ACACB: variants seen among roughly 807,000 people sequenced by gnomAD.
ACACB encodes the protein acetyl-CoA carboxylase 2.
Under a neutral mutation model 278.8 loss-of-function variants are expected in ACACB, and 209 were observed. The observed-to-expected ratio is 0.75, with a 90% CI of 0.67 to 0.84. The LOEUF is 0.84. Among genes scored for constraint, ACACB ranks in the 40% least tolerant of loss-of-function variants. ACACB has a pLI of 0.00. For missense variants in ACACB, 2,850 were observed against 3,269.0 expected (o/e 0.87, Z 3.13); for synonymous variants, 1,174 against 1,285.6 (o/e 0.91, Z 1.86).
intron 40 of ACACB, 123 bp from the exon 41 acceptor site, chr12:109,249,861 T>C (rs2047047192): frequency 1.5e-6 from 2 of 1,336,934 alleles, no homozygotes; most frequent in African/African-American, 3.0e-5. Context: ...ATTTTGCCTC[T>C]GGATGCTTTG....
rs527975478 is a variant in ACACB, at chr12:109,193,950, A to C, written c.2481+221A>C. ...CTGCAGAGGGCACAATGGAGCGTGG[A>C]TAAGTTTCCTGTAGCTGCGGTAACA... On this transcript the variant is annotated intron_variant, in intron 16 of 52. Coordinates refer to ENST00000338432, the MANE Select transcript of ACACB (RefSeq NM_001093.4). Among the ~76,000 whole-genome samples the C allele has an allele frequency of 5.3e-5, 8 of 152,322 alleles. No homozygotes were observed. The South Asian group carries it at 1.7e-3, about 32-fold the overall frequency.
At chr12:109,183,810 C>T (rs1178150562) in intron 11 of ACACB, among the ~76,000 whole-genome samples, 1 of 152,030 alleles carries the variant, frequency 6.6e-6, no homozygotes, top group East Asian at 1.9e-4. Flanking sequence ...TTCCTTCCTT[C>T]CTTCTTTCTT....
At chr12:109,183,667 ATTG>A (rs2044555903) in intron 11 of ACACB, among the ~76,000 whole-genome samples, 1 of 152,028 alleles carries the variant, frequency 6.6e-6, no homozygotes, top group African/African-American at 2.4e-5. Context: ...GTCAATTCGA[ATTG>A]TTTTTTTGGT....
At chr12:109,222,773 C>T (rs11065873) in intron 25 of ACACB, 26 bp from the exon 26 acceptor site, 94,537 of 1,594,850 alleles carry the variant, frequency 0.059, 3,314 homozygotes, top group Non-Finnish European at 0.069. Flanking sequence ...TGGCTCACGC[C>T]AGCGCCCCCA....
chr12:109,218,837 C>T (rs2046082555), intron 24 of ACACB, among the ~76,000 whole-genome samples: 3 of 151,108 alleles, frequency 2.0e-5, no homozygotes, highest in South Asian at 4.2e-4. Flanking sequence ...GGCACGATCT[C>T]TGTTCACTGC....
At chr12:109,162,797 C>T (rs965312327) in intron 2 of ACACB, among the ~76,000 whole-genome samples, 4 of 152,194 alleles carry the variant, frequency 2.6e-5, no homozygotes, top group Admixed American at 1.3e-4. Context: ...GGATCCCCAA[C>T]GCACTCCTAC....
intron 34 of ACACB, among the ~76,000 whole-genome samples, chr12:109,237,692 G>A (rs949360185): frequency 6.6e-6 from 1 of 152,080 alleles, no homozygotes. Context: ...CTGAGTGATC[G>A]TTTTCCATTG....
At chr12:109,244,816 A>G (rs1288564322) in intron 37 of ACACB, among the ~76,000 whole-genome samples, 4 of 152,158 alleles carry the variant, frequency 2.6e-5, no homozygotes, top group Non-Finnish European at 4.4e-5. Flanking sequence ...CTATTTATCT[A>G]TCTATCTATC....
intron 17 of ACACB, among the ~76,000 whole-genome samples, chr12:109,198,769 T>C (rs1183707727): frequency 6.6e-6 from 1 of 152,044 alleles, no homozygotes; most frequent in Non-Finnish European, 1.5e-5. Context: ...TACTGGCATA[T>C]GCTACCACGC....
chr12:109,157,444 G>A (rs1242724371), intron 2 of ACACB, among the ~76,000 whole-genome samples: 1 of 151,912 alleles, frequency 6.6e-6, no homozygotes. Flanking sequence ...GCTAATTTTT[G>A]TATTTTTTAG....
At chr12:109,138,968 C>T (rs1405836258) in intron 1 of ACACB, among the ~76,000 whole-genome samples, 1 of 152,198 alleles carries the variant, frequency 6.6e-6, no homozygotes, top group Non-Finnish European at 1.5e-5. Flanking sequence ...AGCTGTACAA[C>T]CATCACCTCA....
intron 19 of ACACB, among the ~76,000 whole-genome samples, 172 bp from the exon 20 acceptor site, chr12:109,206,538 G>A (rs1453748173): frequency 1.3e-5 from 2 of 152,044 alleles, no homozygotes; most frequent in Non-Finnish European, 1.5e-5. Context: ...CCACATTGGG[G>A]TGTGAGTTTG....
rs557469514 is a variant in ACACB at position 109,233,899 on chromosome 12, C to T, written c.4240-39C>T. The T allele has an allele frequency of 3.7e-6, 6 of 1,613,298 alleles. No individual in the cohort carries two copies. The East Asian group carries it at 1.3e-4, about 36-fold the overall frequency. On this transcript the variant is annotated intron_variant, in intron 30 of 52. Coordinates refer to ENST00000338432, the MANE Select transcript of ACACB (RefSeq NM_001093.4). ...CTGGGGAGCAGGTGGGCCGTGGCCC[C>T]CAGGCTTTCCAGCCCTACCCCTTGC...
intron 1 of ACACB, among the ~76,000 whole-genome samples, chr12:109,129,408 GAC>G (rs1432730997): frequency 6.6e-6 from 1 of 152,176 alleles, no homozygotes; most frequent in Non-Finnish European, 1.5e-5. Flanking sequence ...ACATGCCAGT[GAC>G]ACAGAAAAAC....
At chr12:109,130,119 G>C (rs1442764079) in intron 1 of ACACB, among the ~76,000 whole-genome samples, 1 of 152,174 alleles carries the variant, frequency 6.6e-6, no homozygotes, top group Non-Finnish European at 1.5e-5. Flanking sequence ...GCAGAGTCCT[G>C]GAGCGGTGGC....
chr12:109,122,435 G>A lies in ACACB; in HGVS notation c.-10+5731G>A, dbSNP rs375316228. 1.2e-3 allele frequency among the ~76,000 whole-genome samples: 182 copies of A among 151,858 alleles called. 1 individual carries two copies. The highest frequency in any genetic ancestry group is 4.2e-3 in the African/African-American group (172 of 41,414). ...TAAAATATAAAAAGTTTCGCTGGGC[G>A]TGGTGGCACATGCCTGTAATCCCAG... is the stretch of plus-strand genomic sequence containing the variant. On this transcript the variant is annotated intron_variant, in intron 1 of 52. Transcript: ENST00000338432.
intron 16 of ACACB, among the ~76,000 whole-genome samples, chr12:109,194,490 C>T (rs531832134): frequency 0.042 from 5,814 of 139,654 alleles, 235 homozygotes; most frequent in African/African-American, 0.12. Context: ...AGCCACCCCC[C>T]AACCTCTGCC....
Position 109,139,836 on chromosome 12 carries a change from C to T in ACACB, c.431C>T (p.Ala144Val). The T allele has an allele frequency of 6.2e-7, 1 of 1,614,174 alleles. No homozygotes were observed. The highest frequency in any genetic ancestry group is 8.5e-7 in the Non-Finnish European group (1 of 1,180,006). The change falls in exon 2 of 53, where the codon GCT (alanine) becomes GTT (valine). Residue 144 changes from alanine (A) to valine (V), a missense_variant. By Grantham distance (64) the Ala-to-Val change is moderately conservative (BLOSUM62 0). Transcript: ENST00000338432. ...SSSARPQGQQ[A>V]GSPSKEDKKQ... Reference sequence around the variant, plus strand: ...TCAGCCAGGCCCCAGGGCCAGCAAGCTGGCTCCCCCTCCAAAGAAGACAAG... The same window carrying T: ...TCAGCCAGGCCCCAGGGCCAGCAAGTTGGCTCCCCCTCCAAAGAAGACAAG...
In ACACB at chr12:109,216,894, A is replaced by G. The variant is rs372095862; in HGVS notation, c.3538A>G (p.Lys1180Glu). ...CTTCTCCCACGCACAGGTGGCCAAG[A>G]AGAACCAGCTGGTGATCATGTTGAT... ...CIFSHAQVAK[K>E]NQLVIMLIDE... Residue 1180 changes from lysine (K) to glutamate (E), a missense_variant, in exon 24 of 53, where the codon AAG becomes GAG. Physicochemically the swap from Lys to Glu is moderately conservative, Grantham distance 56. Transcript: ENST00000338432. 1 of 1,613,822 alleles carries G rather than the reference A, an allele frequency of 6.2e-7. No individual in the cohort carries two copies. Among genetic ancestry groups the G allele is most frequent in the South Asian group, 1.1e-5 (1 of 91,062 alleles).
Sources: allele counts gnomAD v4.1 joint callset (sites outside exome capture counted in the v4.1 genomes callset), GRCh38; gene constraint gnomAD v4.1.1; transcripts MANE v1.5; gene names NCBI Gene and HGNC (gene_info 2026-07-23, HGNC 2026-07-21).